SLC50A1: variants seen among roughly 807,000 people sequenced by gnomAD.
SLC50A1 encodes sugar transporter SWEET1.
SLC50A1 carries 22 observed loss-of-function variants against 28.9 expected under a neutral mutation model. That is an observed-to-expected ratio of 0.76 (90% CI 0.54 to 1.09). SLC50A1 has a LOEUF of 1.09. Ranked by LOEUF, SLC50A1 falls within the 50% of genes least tolerant of loss-of-function variation. SLC50A1 has a pLI of 0.00. For synonymous variants in SLC50A1, 96 were observed against 110.6 expected (o/e 0.87, Z 0.83); for missense variants, 233 against 273.4 (o/e 0.85, Z 1.04).
chr1:155,137,075 C>T, intron 3 of SLC50A1, 124 bp downstream of exon 3: 1 of 1,253,092 alleles, frequency 8.0e-7, no homozygotes, highest in African/African-American at 1.5e-5. Context: ...GCCTCTCCAG[C>T]CTTGCAGGTC....
chr1:155,135,707 C>G (rs1343750287), upstream of SLC50A1: 1 of 1,549,942 alleles, frequency 6.5e-7, no homozygotes, highest in African/African-American at 1.4e-5. Context: ...TGGGAAGGCG[C>G]TCGGAGGAGA....
In SLC50A1 at chr1:155,135,865, C is replaced by G. The variant is rs768056557; in HGVS notation, c.-47C>G. On this transcript the variant is annotated 5_prime_UTR_variant, in exon 1 of 6. Transcript: ENST00000368404. ...CTGGGCTGCAGTAGGTCCCGGCAAC[C>G]GCAGGCTCGCGGCGGGCGCTGGGCG... 9 of 1,611,292 alleles carry G rather than the reference C, an allele frequency of 5.6e-6. No individual in the cohort carries two copies. The highest frequency in any genetic ancestry group is 1.7e-4 in the Middle Eastern group (1 of 5,938).
In SLC50A1 at chr1:155,137,927, T is replaced by G. The variant is rs186831363; in HGVS notation, c.445-52T>G. On this transcript the variant is annotated intron_variant, in intron 4 of 5. Transcript: ENST00000368404. ...TTTCTTGAGGAAATTCTTAGGCAAG[T>G]GAAGCTTTACGATGTGCTTGGGCCA... 1.0e-4 allele frequency: 167 copies of G among 1,612,426 alleles called. 1 individual carries two copies. In the African/African-American group the frequency reaches 1.9e-3, roughly 19 times the overall value.
upstream of SLC50A1, chr1:155,135,464 T>A (rs576659554): frequency 1.1e-6 from 1 of 942,184 alleles, no homozygotes. Context: ...GAGGTTCTGA[T>A]GTGGAGCTCT....
chr1:155,136,362 C>T lies in SLC50A1; in HGVS notation c.144C>T (p.Leu48=). 1 of 1,612,204 alleles carries T rather than the reference C, an allele frequency of 6.2e-7. No homozygotes were observed. The highest frequency in any genetic ancestry group is 1.1e-5 in the South Asian group (1 of 90,638). ...ACAACGTCCAGTTCCTGCCCTTTCT[C>T]ACCACGGAAGTCAAGTGAGGGGCCG... ...SVDNVQFLPF[L]TTEVNNLGWL... The change falls in exon 2 of 6, where the codon CTC becomes CTT. Residue 48 remains leucine, a synonymous_variant. Transcript: ENST00000368404.
In SLC50A1 at chr1:155,137,587, C is replaced by T. The variant is rs968166217; in HGVS notation, c.309C>T (p.Thr103=). 1.2e-6 allele frequency: 2 copies of T among 1,614,070 alleles called. No individual in the cohort carries two copies. The highest frequency in any genetic ancestry group is 3.3e-5 in the Admixed American group (2 of 59,998). ...GTGTTGTGCTCCTACAGACTGCAAC[C>T]CTGCTAGGGGTCCTTCTCCTGGGTT... The part of the protein sequence containing the change: ...RKRVVLLQTA[T]LLGVLLLGYG... The change falls in exon 4 of 6, where the codon ACC becomes ACT. Residue 103 remains threonine (T), a synonymous_variant. Transcript: ENST00000368404.
At chr1:155,136,424 T>G (rs368376374) in intron 2 of SLC50A1, 48 bp downstream of exon 2, 38 of 1,439,524 alleles carry the variant, frequency 2.6e-5, no homozygotes, top group Admixed American at 5.4e-5. Context: ...CAGAGGGAGG[T>G]GGGGGCGGGG....
chr1:155,135,536 G>A, upstream of SLC50A1: 1 of 1,485,052 alleles, frequency 6.7e-7, no homozygotes, highest in Non-Finnish European at 9.0e-7. Flanking sequence ...GTCCACCGCC[G>A]AAGGCGCACA....
At chr1:155,136,090 C>T (rs1219202948) in intron 1 of SLC50A1, 99 bp downstream of exon 1, 1 of 1,291,942 alleles carries the variant, frequency 7.7e-7, no homozygotes, top group Non-Finnish European at 1.0e-6. Context: ...CGTCCGGAAC[C>T]GGGATCAAAG....
At chr1:155,136,468 G>T in intron 2 of SLC50A1, 92 bp downstream of exon 2, 1 of 1,252,288 alleles carries the variant, frequency 8.0e-7, no homozygotes, top group South Asian at 1.3e-5. Context: ...GTTTGGCCGG[G>T]CGCGGTGGCT....
At chr1:155,136,722 G>C in intron 2 of SLC50A1, 106 bp from the exon 3 acceptor site, 5 of 1,467,422 alleles carry the variant, frequency 3.4e-6, no homozygotes, top group Non-Finnish European at 3.7e-6. Context: ...CAGCCTGGGC[G>C]ACAGAGCGAG....
intron 2 of SLC50A1, 155 bp downstream of exon 2, chr1:155,136,531 C>T (rs1571694520): frequency 1.3e-6 from 1 of 753,058 alleles, no homozygotes; most frequent in East Asian, 2.7e-5. Context: ...ATCACGAGGT[C>T]AGGAGATCCA....
upstream of SLC50A1, chr1:155,135,666 C>A: frequency 1.3e-6 from 2 of 1,550,388 alleles, no homozygotes; most frequent in South Asian, 1.2e-5. Context: ...GGGGACTGAC[C>A]GGGACATGGA....
At chr1:155,137,430 G>C in intron 3 of SLC50A1, 131 bp from the exon 4 acceptor site, 1 of 1,055,066 alleles carries the variant, frequency 9.5e-7, no homozygotes, top group Non-Finnish European at 1.4e-6. Flanking sequence ...GAAAGAAGCT[G>C]TGACAGTGCA....
chr1:155,135,676 A>C (rs1231468321), upstream of SLC50A1: 92 of 1,550,236 alleles, frequency 5.9e-5, no homozygotes, highest in Non-Finnish European at 7.8e-5. Flanking sequence ...CGGGACATGG[A>C]AGAGGTCTGG....
At position 155,137,578 on chromosome 1, in the gene SLC50A1, G is replaced by A. The variant is rs1481611990; in HGVS notation, c.300G>A (p.Gln100=). ...CCCTGCAGCGTGTTGTGCTCCTACA[G>A]ACTGCAACCCTGCTAGGGGTCCTTC... ...YCPRKRVVLL[Q]TATLLGVLLL... Residue 100 remains glutamine (Q), a synonymous_variant, in exon 4 of 6, where the codon CAG becomes CAA. Transcript: ENST00000368404. 1 of 1,614,106 alleles carries A rather than the reference G, an allele frequency of 6.2e-7. No homozygotes were observed. The highest frequency in any genetic ancestry group is 1.7e-5 in the Admixed American group (1 of 60,026).
chr1:155,137,928 G>A (rs1450034288), intron 4 of SLC50A1, 51 bp from the exon 5 acceptor site: 1 of 1,612,502 alleles, frequency 6.2e-7, no homozygotes, highest in Non-Finnish European at 8.5e-7. Context: ...TTAGGCAAGT[G>A]AAGCTTTACG....
Position 155,138,468 on chromosome 1 carries a change from T to C in SLC50A1, c.*187T>C. 1 of 583,182 alleles carries C rather than the reference T, an allele frequency of 1.7e-6. No homozygotes were observed. The highest frequency in any genetic ancestry group is 3.0e-6 in the Non-Finnish European group (1 of 332,226). The allele number at this position is 583,182 out of a possible 1,614,324, so 36.1% of individuals were successfully genotyped here. ...ATTGATTGGGGCCTAGGAGATGAAA[T>C]CACTTTTTATTTTTTAGAGATTTTT... On this transcript the variant is annotated 3_prime_UTR_variant, in exon 6 of 6. Transcript: ENST00000368404.
upstream of SLC50A1, chr1:155,135,612 G>T (rs1304422136): frequency 6.5e-7 from 1 of 1,550,292 alleles, no homozygotes; most frequent in Non-Finnish European, 8.7e-7. Flanking sequence ...GGCAGAGTGT[G>T]AGCAGCGGCA....
Sources: gnomAD v4.1 joint callset for allele counts on GRCh38, gnomAD v4.1.1 for gene constraint, MANE v1.5 for transcripts, NCBI Gene and HGNC (gene_info 2026-07-23, HGNC 2026-07-21) for gene names.